Variants in ANTXR1 observed in about 807,000 individuals in gnomAD.
The protein encoded by ANTXR1 is anthrax toxin receptor 1.
In ANTXR1, 19 loss-of-function variants were observed where a neutral mutation model predicts 78.1. That is an observed-to-expected ratio of 0.24 (90% CI 0.17 to 0.36). The LOEUF is 0.36. Among genes scored for constraint, ANTXR1 ranks in the 10% least tolerant of loss-of-function variants. The pLI is 1.00. For missense variants in ANTXR1, 518 were observed against 718.6 expected (o/e 0.72, Z 3.19); for synonymous variants, 273 against 260.5 (o/e 1.05, Z -0.46).
chr2:69,110,948 C>G (rs12479401), intron 10 of ANTXR1, among the ~76,000 whole-genome samples: 81,489 of 152,016 alleles, frequency 0.54, 22,944 homozygotes, highest in African/African-American at 0.72. Flanking sequence ...TGGAAAGATA[C>G]TCATCAAAAT....
intron 9 of ANTXR1, among the ~76,000 whole-genome samples, chr2:69,102,569 G>A (rs1416307077): frequency 2.0e-5 from 3 of 152,356 alleles, no homozygotes; most frequent in Non-Finnish European, 4.4e-5. Flanking sequence ...AGAGGAGGGA[G>A]GAAGGTGTTC....
At chr2:69,091,004 G>A (rs1671215099) in intron 9 of ANTXR1, 85 bp downstream of exon 9, 1 of 1,384,272 alleles carries the variant, frequency 7.2e-7, no homozygotes, top group South Asian at 1.2e-5. Context: ...TTGTTGGTGG[G>A]GTGGGAAAGA....
chr2:69,228,894 A>G (rs924533755), intron 17 of ANTXR1, among the ~76,000 whole-genome samples: 1 of 152,154 alleles, frequency 6.6e-6, no homozygotes. Flanking sequence ...GGCCTTAAAC[A>G]ACAGAAATTT....
chr2:69,217,518 T>G (rs1675207294), intron 17 of ANTXR1, among the ~76,000 whole-genome samples: 1 of 152,210 alleles, frequency 6.6e-6, no homozygotes, highest in Non-Finnish European at 1.5e-5. Context: ...ACTGTGTGGT[T>G]TTGACTAATG....
At chr2:69,029,309 A>T (rs1671454435) in intron 1 of ANTXR1, among the ~76,000 whole-genome samples, 1 of 148,498 alleles carries the variant, frequency 6.7e-6, no homozygotes, top group Non-Finnish European at 1.5e-5. Flanking sequence ...ATATATATAT[A>T]TTAGATATAT....
At chr2:69,129,777 A>G (rs1672672382) in intron 12 of ANTXR1, among the ~76,000 whole-genome samples, 1 of 152,070 alleles carries the variant, frequency 6.6e-6, no homozygotes, top group South Asian at 2.1e-4. Context: ...GTATAAATGT[A>G]TAATAAAGAA....
intron 15 of ANTXR1, 128 bp from the exon 16 acceptor site, chr2:69,182,365 C>T: frequency 8.6e-7 from 1 of 1,166,306 alleles, no homozygotes; most frequent in Non-Finnish European, 1.3e-6. Context: ...CTTCCCTGGC[C>T]CTCAAAACCC....
At chr2:69,096,290 G>GGAAGGAAGGA (rs1558541091) in intron 9 of ANTXR1, among the ~76,000 whole-genome samples, 75 of 18,902 alleles carry the variant, frequency 4.0e-3, no homozygotes, top group Non-Finnish European at 5.8e-3. Context: ...GGAAGGAAGG[G>GGAAGGAAGGA]AGGAAGGGAG....
intron 17 of ANTXR1, among the ~76,000 whole-genome samples, chr2:69,232,305 A>G (rs1675638742): frequency 6.6e-6 from 1 of 152,192 alleles, no homozygotes; most frequent in Non-Finnish European, 1.5e-5. Flanking sequence ...TTAACTTGTA[A>G]AAATCAACTA....
intron 5 of ANTXR1, among the ~76,000 whole-genome samples, chr2:69,072,727 T>C (rs1319721900): frequency 1.3e-5 from 2 of 152,230 alleles, no homozygotes; most frequent in African/African-American, 4.8e-5. Flanking sequence ...ATAATCACAC[T>C]TGATTCACCG....
chr2:69,098,178 G>T (rs1185041613), intron 9 of ANTXR1, among the ~76,000 whole-genome samples: 1 of 152,112 alleles, frequency 6.6e-6, no homozygotes, highest in Non-Finnish European at 1.5e-5. Context: ...GTGGTATTAT[G>T]ATTGTGTACA....
intron 8 of ANTXR1, among the ~76,000 whole-genome samples, chr2:69,090,199 T>G (rs932553372): frequency 1.3e-5 from 2 of 151,802 alleles, no homozygotes; most frequent in African/African-American, 4.8e-5. Flanking sequence ...CTATGCAGCT[T>G]CTGTGGAGAG....
chr2:69,084,884 GCT>G (rs1671002772), intron 8 of ANTXR1, among the ~76,000 whole-genome samples: 1 of 128,232 alleles, frequency 7.8e-6, no homozygotes, highest in African/African-American at 3.1e-5. Flanking sequence ...GCAGAGTCTC[GCT>G]CTGTTGCCCA....
At chr2:69,060,649 G>A (rs2104161905) in intron 3 of ANTXR1, among the ~76,000 whole-genome samples, 1 of 152,278 alleles carries the variant, frequency 6.6e-6, no homozygotes, top group South Asian at 2.1e-4. Context: ...TTAAATGAAG[G>A]ACATCAACTG....
chr2:69,142,321 A>G (rs1673092443), intron 12 of ANTXR1, among the ~76,000 whole-genome samples: 2 of 152,240 alleles, frequency 1.3e-5, no homozygotes, highest in South Asian at 2.1e-4. Context: ...AAACACTTGA[A>G]GGGCATTTAG....
intron 14 of ANTXR1, among the ~76,000 whole-genome samples, chr2:69,171,488 A>C (rs988966614): frequency 3.6e-4 from 55 of 152,242 alleles, no homozygotes; most frequent in Admixed American, 1.3e-3. Context: ...TTAGACTTCC[A>C]AAACATAAAA....
rs144715488 is a variant in ANTXR1, at chr2:69,159,437, G to T, written c.1047+7173G>T. ...TAAAAAAATAAAGTTCCGGAAATTA[G>T]TTGCATAATTATGTGAATATATGTA... On this transcript the variant is annotated intron_variant, in intron 13 of 17. Coordinates refer to ENST00000303714, the MANE Select transcript of ANTXR1 (RefSeq NM_032208.3). Among the ~76,000 whole-genome samples, 192 of 152,080 alleles carry T rather than the reference G, an allele frequency of 1.3e-3. 1 individual carries two copies. Among genetic ancestry groups the T allele is most frequent in the African/African-American group, 4.3e-3 (179 of 41,498 alleles).
At chr2:69,056,249 A>G (rs1448506346) in intron 3 of ANTXR1, among the ~76,000 whole-genome samples, 3 of 152,192 alleles carry the variant, frequency 2.0e-5, no homozygotes, top group South Asian at 2.1e-4. Context: ...AACAAAAACA[A>G]TCCCAGTACT....
chr2:69,112,016 T>G (rs1672000225), intron 10 of ANTXR1, among the ~76,000 whole-genome samples: 1 of 152,180 alleles, frequency 6.6e-6, no homozygotes, highest in African/African-American at 2.4e-5. Context: ...TAACGCAATC[T>G]CGATACATCC....
Sources: allele counts gnomAD v4.1 joint callset (sites outside exome capture counted in the v4.1 genomes callset), GRCh38; gene constraint gnomAD v4.1.1; transcripts MANE v1.5; gene names NCBI Gene and HGNC (gene_info 2026-07-23, HGNC 2026-07-21).